The following CPQ variants were observed in gnomAD, a reference collection of about 807,000 sequenced individuals.
CPQ encodes Ser-Met dipeptidase.
A neutral mutation model predicts 45.7 loss-of-function variants in CPQ; 37 were observed. The ratio of observed to expected loss-of-function variants is 0.81; its 90% CI spans 0.62 to 1.07. The LOEUF is 1.07. Ranked by LOEUF, CPQ falls within the 50% of genes least tolerant of loss-of-function variation. The probability of loss-of-function intolerance (pLI) is 0.00; values close to 1 mark genes in which losing one functional copy is unlikely to be tolerated. For synonymous variants in CPQ, 186 were observed against 205.8 expected (o/e 0.90, Z 0.82); for missense variants, 537 against 572.9 (o/e 0.94, Z 0.64).
intron 4 of CPQ, among the ~76,000 whole-genome samples, chr8:96,934,458 C>T (rs1322762941): frequency 6.6e-6 from 1 of 152,124 alleles, no homozygotes; most frequent in Non-Finnish European, 1.5e-5. Context: ...AGCCGCTTCC[C>T]TCATCTCCTC....
intron 5 of CPQ, among the ~76,000 whole-genome samples, chr8:97,022,052 C>T (rs1809697564): frequency 6.6e-6 from 1 of 152,090 alleles, no homozygotes; most frequent in Admixed American, 6.5e-5. Context: ...ACCAATGGAA[C>T]AGAATAGAGA....
chr8:96,816,993 G>C (rs1297874217), intron 2 of CPQ, among the ~76,000 whole-genome samples: 3 of 152,120 alleles, frequency 2.0e-5, no homozygotes, highest in Non-Finnish European at 4.4e-5. Context: ...TTTTGGAAAG[G>C]TAAATGAATA....
At chr8:96,788,684 G>T (rs1158880405) in intron 2 of CPQ, among the ~76,000 whole-genome samples, 1 of 150,616 alleles carries the variant, frequency 6.6e-6, no homozygotes. Flanking sequence ...AATTTGAGAA[G>T]TTTTCAGCTA....
chr8:96,824,607 A>G (rs1485260147), intron 2 of CPQ, among the ~76,000 whole-genome samples: 4 of 152,048 alleles, frequency 2.6e-5, no homozygotes, highest in Non-Finnish European at 5.9e-5. Flanking sequence ...GGTTTTAAAT[A>G]TGGCTCGGGG....
chr8:96,898,217 G>C (rs1488182663), intron 4 of CPQ, among the ~76,000 whole-genome samples: 1 of 152,152 alleles, frequency 6.6e-6, no homozygotes, highest in Non-Finnish European at 1.5e-5. Context: ...ATCCTGGGCA[G>C]TTCAGAATCT....
chr8:97,132,337 C>T (rs1283291351), intron 7 of CPQ, among the ~76,000 whole-genome samples: 1 of 152,172 alleles, frequency 6.6e-6, no homozygotes, highest in Non-Finnish European at 1.5e-5. Context: ...ATTGTGTCAC[C>T]TGGGCATCTG....
At chr8:96,741,221 G>C (rs1810086327) in intron 1 of CPQ, among the ~76,000 whole-genome samples, 1 of 152,172 alleles carries the variant, frequency 6.6e-6, no homozygotes, top group African/African-American at 2.4e-5. Flanking sequence ...ATGTGTCAAG[G>C]AATTTATACA....
chr8:97,123,086 A>T (rs796600754), intron 7 of CPQ, among the ~76,000 whole-genome samples: 16 of 119,308 alleles, frequency 1.3e-4, no homozygotes, highest in Non-Finnish European at 2.4e-4. Context: ...TAAAATAAAT[A>T]AAATAAAATA....
intron 7 of CPQ, among the ~76,000 whole-genome samples, chr8:97,122,522 A>G (rs897265591): frequency 2.0e-5 from 3 of 152,186 alleles, no homozygotes; most frequent in Non-Finnish European, 4.4e-5. Flanking sequence ...GAAATGTCGA[A>G]GGGAATTTAT....
intron 5 of CPQ, among the ~76,000 whole-genome samples, chr8:96,981,028 T>C (rs1158045094): frequency 6.6e-6 from 1 of 152,020 alleles, no homozygotes; most frequent in African/African-American, 2.4e-5. Flanking sequence ...AAACAGTAAA[T>C]AGCTGTTAAG....
intron 3 of CPQ, among the ~76,000 whole-genome samples, chr8:96,857,294 G>A (rs940089504): frequency 2.0e-5 from 3 of 152,124 alleles, no homozygotes; most frequent in Non-Finnish European, 4.4e-5. Flanking sequence ...AGAGGGATCC[G>A]AGGGGCATCT....
intron 4 of CPQ, among the ~76,000 whole-genome samples, chr8:96,903,668 C>G (rs976718250): frequency 6.6e-6 from 1 of 152,118 alleles, no homozygotes; most frequent in Non-Finnish European, 1.5e-5. Flanking sequence ...AATTGAGACT[C>G]AGAGAAGAGA....
rs575556432 is a variant in CPQ, at chr8:97,138,793, T to C, written c.1256-4227T>C. ...GGCCACTAGTGTACTTTATAAGATA[T>C]TGATTAACTTTAGACTTATTAAGAT... is the stretch of plus-strand genomic sequence containing the variant. On this transcript the variant is annotated intron_variant, in intron 7 of 7. Transcript: ENST00000220763. 2.3e-4 allele frequency among the ~76,000 whole-genome samples: 35 copies of C among 152,190 alleles called. 2 individuals carry two copies. In the East Asian group the frequency reaches 5.4e-3, roughly 24 times the overall value.
chr8:97,057,936 T>C (rs906821628), intron 6 of CPQ, among the ~76,000 whole-genome samples: 10 of 152,166 alleles, frequency 6.6e-5, no homozygotes, highest in Admixed American at 1.3e-4. Context: ...CTGAAGTTCA[T>C]ATTTTGGTAC....
At chr8:97,106,004 T>TA (rs1214441135) in intron 7 of CPQ, among the ~76,000 whole-genome samples, 3 of 152,234 alleles carry the variant, frequency 2.0e-5, no homozygotes, top group Non-Finnish European at 4.4e-5. Flanking sequence ...GAGGTCCCGA[T>TA]ACTTTACAGA....
chr8:96,829,283 G>T (rs1244784881), intron 2 of CPQ, among the ~76,000 whole-genome samples: 1 of 152,060 alleles, frequency 6.6e-6, no homozygotes, highest in East Asian at 1.9e-4. Flanking sequence ...AACAGAGCAG[G>T]TCTAATTTGA....
chr8:96,713,308 C>G (rs563908331), intron 1 of CPQ, among the ~76,000 whole-genome samples: 1 of 152,322 alleles, frequency 6.6e-6, no homozygotes, highest in East Asian at 1.9e-4. Flanking sequence ...TACCTAGTTC[C>G]AAAGTCGCTT....
At chr8:96,865,243 AAAC>A (rs1205911820) in intron 3 of CPQ, among the ~76,000 whole-genome samples, 2 of 152,032 alleles carry the variant, frequency 1.3e-5, no homozygotes, top group African/African-American at 4.8e-5. Flanking sequence ...ACAGCTCCCC[AAAC>A]AACAGCAGAG....
At chr8:96,721,973 T>C (rs1809768831) in intron 1 of CPQ, among the ~76,000 whole-genome samples, 1 of 152,228 alleles carries the variant, frequency 6.6e-6, no homozygotes, top group South Asian at 2.1e-4. Context: ...TTTAACTTCT[T>C]CTGGTAGTCC....
Sources: gnomAD v4.1 joint callset for allele counts (sites outside exome capture counted in the v4.1 genomes callset) on GRCh38, gnomAD v4.1.1 for gene constraint, MANE v1.5 for transcripts, NCBI Gene and HGNC (gene_info 2026-07-23, HGNC 2026-07-21) for gene names.